Variants in WDR81 observed in about 807,000 individuals in gnomAD.
WDR81 encodes the protein WD repeat domain 81.
In WDR81, 92 loss-of-function variants were observed where a neutral mutation model predicts 140.8. The observed-to-expected ratio is 0.65, with a 90% CI of 0.55 to 0.78. The LOEUF is 0.78. Among genes scored for constraint, WDR81 ranks in the 30% least tolerant of loss-of-function variants. WDR81 has a pLI of 0.00. For synonymous variants in WDR81, 1,183 were observed against 1,156.4 expected (o/e 1.02, Z -0.47); for missense variants, 2,502 against 2,636.4 (o/e 0.95, Z 1.12).
In WDR81 at chr17:1,726,177, C is replaced by A; in HGVS notation, c.1218C>A (p.Leu406=). The A allele has an allele frequency of 6.6e-7, 1 of 1,519,906 alleles. No individual in the cohort carries two copies. The highest frequency in any genetic ancestry group is 8.9e-7 in the Non-Finnish European group (1 of 1,127,350). The allele number at this position is 1,519,906 out of a possible 1,614,324, so 94.2% of individuals were successfully genotyped here. A position where few individuals can be genotyped will look rare whatever the true frequency, so the allele number is the denominator to read the frequency against. Residue 406 remains leucine (L), a synonymous_variant, in exon 1 of 10, where the codon CTC becomes CTA. Transcript: ENST00000409644. ...FRDLRKSKFR[L]NKGDKQLDFT... ...ACCTGCGCAAGTCCAAGTTCCGCCT[C>A]AACAAGGGGGATAAGCAACTGGACT...
Position 1,726,402 on chromosome 17 carries a change from G to A in WDR81, c.1443G>A (p.Glu481=). The A allele has an allele frequency of 1.9e-6, 3 of 1,550,306 alleles. No individual in the cohort carries two copies. The highest frequency in any genetic ancestry group is 2.6e-6 in the Non-Finnish European group (3 of 1,146,952). The change falls in exon 1 of 10, where the codon GAG becomes GAA. Residue 481 remains glutamate, a synonymous_variant. Coordinates refer to ENST00000409644, the MANE Select transcript of WDR81 (RefSeq NM_001163809.2). The stretch of plus-strand genomic sequence containing the variant: ...CCCATGAGTATCCGGCCAGCATGGA[G>A]CGGATGCAGAACTGGACCCCGGATG... The part of the protein sequence containing the change: ...WEPHEYPASM[E]RMQNWTPDEC...
At chr17:1,730,335 AG>A in intron 1 of WDR81, 44 bp from the exon 2 acceptor site, 1 of 1,510,584 alleles carries the variant, frequency 6.6e-7, no homozygotes, top group South Asian at 1.2e-5. Context: ...AGGGGTGATG[AG>A]CCCCTGTTAT....
rs1286819005 is a variant in WDR81 at position 1,725,255 on chromosome 17, C to T, written c.296C>T (p.Pro99Leu). The T allele has an allele frequency of 3.9e-6, 6 of 1,543,906 alleles. No individual in the cohort carries two copies. Among genetic ancestry groups the T allele is most frequent in the Non-Finnish European group, 5.2e-6 (6 of 1,146,944 alleles). Reference protein sequence around the residue: ...TLLQRSVQRLPAGWTRVEVHG... With the variant: ...TLLQRSVQRLLAGWTRVEVHG... ...CTGCAGCGCTCTGTGCAAAGGCTGC[C>T]TGCCGGCTGGACGCGCGTGGAGGTG... The change falls in exon 1 of 10, where the codon CCT (proline) becomes CTT (leucine). Residue 99 changes from proline to leucine, a missense_variant. Transcript: ENST00000409644.
chr17:1,734,086 G>A lies in WDR81; in HGVS notation c.5049G>A (p.Gly1683=), dbSNP rs1484238047. 1.9e-6 allele frequency: 3 copies of A among 1,582,750 alleles called. No homozygotes were observed. The highest frequency in any genetic ancestry group is 2.6e-6 in the Non-Finnish European group (3 of 1,169,500). Reference sequence around the variant, plus strand: ...GGCCGCTGTACAACTACGGCGACGGGACCAGCGAGACGGCCCCACGCCTCG... The same window carrying A: ...GGCCGCTGTACAACTACGGCGACGGAACCAGCGAGACGGCCCCACGCCTCG... ...RLWPLYNYGD[G]TSETAPRLVY... is the part of the protein sequence containing the mutation. Residue 1683 remains glycine, a synonymous_variant, in exon 7 of 10, where the codon GGG becomes GGA. Transcript: ENST00000409644.
Position 1,735,444 on chromosome 17 carries a change from T to C in WDR81, c.5180-128T>C, listed in dbSNP as rs1199615724. On this transcript the variant is annotated intron_variant, in intron 7 of 9. Transcript: ENST00000409644. This position sits in a 1 kb window ranked among gnomAD's most constrained non-coding sequence, Gnocchi z 4.2. ...ACTCCATCTCAAAAAAAGAGAAACA[T>C]CTTTAGCATTTTCTAAGGATCCCTG... is the stretch of plus-strand genomic sequence containing the variant. The C allele has an allele frequency of 7.7e-6, 8 of 1,034,372 alleles. No individual in the cohort carries two copies. Among genetic ancestry groups the C allele is most frequent in the Non-Finnish European group, 2.7e-6 (2 of 739,334 alleles). 64.1% of individuals were successfully genotyped at this position (1,034,372 alleles called of 1,614,324 possible).
In WDR81 at chr17:1,727,801, C is replaced by T; in HGVS notation, c.2842C>T (p.Pro948Ser). ...AVYTAWYLFE[P>S]VAKALGPKNA... ...GTACACGGCCTGGTATCTGTTTGAG[C>T]CTGTTGCCAAGGCACTGGGCCCCAA... The change falls in exon 1 of 10, where the codon CCT becomes TCT. Residue 948 changes from proline (P) to serine (S), a missense_variant. This residue lies in a region of WDR81 where 1,737 missense variants were observed against 1,843.0 expected (regional missense o/e 0.94). Transcript: ENST00000409644. 1 of 1,550,678 alleles carries T rather than the reference C, an allele frequency of 6.4e-7. No individual in the cohort carries two copies. Among genetic ancestry groups the T allele is most frequent in the Non-Finnish European group, 8.7e-7 (1 of 1,147,020 alleles).
chr17:1,719,556 G>GA (rs546011340), intron 1 of WDR81, among the ~76,000 whole-genome samples: 35,168 of 128,794 alleles, frequency 0.27, 4,852 homozygotes, highest in East Asian at 0.56. Flanking sequence ...CTCAAAAAAA[G>GA]AAAAAAAAAA....
At chr17:1,736,677 G>A (rs1179649556) in intron 9 of WDR81, among the ~76,000 whole-genome samples, 1 of 152,098 alleles carries the variant, frequency 6.6e-6, no homozygotes, top group African/African-American at 2.4e-5. Context: ...GCACGCCTGG[G>A]CATGGGGATC....
Position 1,732,744 on chromosome 17 carries a change from G to C in WDR81, c.4402G>C (p.Val1468Leu), listed in dbSNP as rs369726076. The C allele has an allele frequency of 6.2e-7, 1 of 1,612,914 alleles. No individual in the cohort carries two copies. Among genetic ancestry groups the C allele is most frequent in the African/African-American group, 1.3e-5 (1 of 74,944 alleles). The change falls in exon 6 of 10, where the codon GTG (valine) becomes CTG (leucine). Residue 1468 changes from valine to leucine, a missense_variant. Val to Leu is a conservative substitution (Grantham distance 32). This residue lies in a region of WDR81 where 1,737 missense variants were observed against 1,843.0 expected (regional missense o/e 0.94). Coordinates refer to ENST00000409644, the MANE Select transcript of WDR81 (RefSeq NM_001163809.2). ...VVFSDGQQRPVDPALLDELQK... is the reference protein window; with the variant it reads ...VVFSDGQQRPLDPALLDELQK... The stretch of plus-strand genomic sequence containing the variant: ...CTTCTCTGATGGGCAGCAGCGGCCC[G>C]TGGACCCCGCCCTGCTGGACGAGCT...
rs368029655 is a variant in WDR81, at chr17:1,732,332, A to G, written c.4165A>G (p.Ser1389Gly). The change falls in exon 5 of 10, where the codon AGT (serine) becomes GGT (glycine). Residue 1389 changes from serine (S) to glycine (G), a missense_variant. Physicochemically the swap from Ser to Gly is moderately conservative, Grantham distance 56 (BLOSUM62 0). Around this residue, in one of 3 missense-constraint regions of WDR81, gnomAD observed 1,737 missense variants for 1,843.0 expected, o/e 0.94. Coordinates refer to ENST00000409644, the MANE Select transcript of WDR81 (RefSeq NM_001163809.2). ...FLTSLVTGFP[S>G]GAQARTILCV... The stretch of plus-strand genomic sequence containing the variant: ...CATGAGCTCTGTTTCCAGGTTCCCA[A>G]GTGGGGCCCAGGCTCGGACCATCCT... The G allele has an allele frequency of 1.2e-4, 188 of 1,613,016 alleles. No individual in the cohort carries two copies. The highest frequency in any genetic ancestry group is 1.5e-4 in the Non-Finnish European group (172 of 1,179,946).
intron 4 of WDR81, among the ~76,000 whole-genome samples, 200 bp from the exon 5 acceptor site, chr17:1,732,125 T>C (rs1445123306): frequency 6.6e-6 from 1 of 152,070 alleles, no homozygotes; most frequent in Non-Finnish European, 1.5e-5. Context: ...TAGTCCCAGC[T>C]ACTCGGGAGA....
rs1456538250 is a variant in WDR81 at position 1,726,998 on chromosome 17, G to T, written c.2039G>T (p.Gly680Val). The T allele has an allele frequency of 6.4e-7, 1 of 1,550,440 alleles. No individual in the cohort carries two copies. The highest frequency in any genetic ancestry group is 2.0e-5 in the Admixed American group (1 of 51,010). The change falls in exon 1 of 10, where the codon GGC becomes GTC. Residue 680 changes from glycine to valine, a missense_variant. Transcript: ENST00000409644. ...SLAGKAGDQL[G>V]SSSQASPGLL... Reference sequence around the variant, plus strand: ...GCTGGGAAAGCAGGTGACCAGCTGGGCTCCTCCAGTCAAGCGTCCCCTGGA... The same window carrying T: ...GCTGGGAAAGCAGGTGACCAGCTGGTCTCCTCCAGTCAAGCGTCCCCTGGA...
intron 1 of WDR81, chr17:1,716,765 G>T: frequency 9.7e-7 from 1 of 1,032,718 alleles, no homozygotes; most frequent in Non-Finnish European, 1.4e-6. Context: ...GCCTCTGCGG[G>T]ACGCTATAGC....
Position 1,734,152 on chromosome 17 carries a change from G to C in WDR81, c.5115G>C (p.Gln1705His). The change falls in exon 7 of 10, where the codon CAG becomes CAC. Residue 1705 changes from glutamine to histidine, a missense_variant. Transcript: ENST00000409644. ...GCAAGAGCGTCTTCTTCGTGGGCCA[G>C]CTTGAGGCCCCGCAGCACGTGGTGA... is the stretch of plus-strand genomic sequence containing the variant. ...QHRKSVFFVG[Q>H]LEAPQHVVSC... 1.3e-6 allele frequency: 2 copies of C among 1,598,758 alleles called. No homozygotes were observed. The highest frequency in any genetic ancestry group is 2.2e-5 in the South Asian group (2 of 91,044).
Position 1,725,461 on chromosome 17 carries a change from C to G in WDR81, c.502C>G (p.Pro168Ala). 6.5e-7 allele frequency: 1 copy of G among 1,549,114 alleles called. No homozygotes were observed. Among genetic ancestry groups the G allele is most frequent in the Non-Finnish European group, 8.7e-7 (1 of 1,146,972 alleles). The change falls in exon 1 of 10, where the codon CCC (proline) becomes GCC (alanine). Residue 168 changes from proline to alanine, a missense_variant. By Grantham distance (27) the Pro-to-Ala change is conservative (BLOSUM62 -1). Coordinates refer to ENST00000409644, the MANE Select transcript of WDR81 (RefSeq NM_001163809.2). ...YGQPYSHSPA[P>A]SAVPALDSVR... Reference sequence around the variant, plus strand: ...CCAGCCGTACAGTCACAGCCCTGCCCCCTCAGCTGTCCCTGCCTTGGACTC... The same window carrying G: ...CCAGCCGTACAGTCACAGCCCTGCCGCCTCAGCTGTCCCTGCCTTGGACTC...
upstream of WDR81, among the ~76,000 whole-genome samples, chr17:1,723,496 T>TATTC (rs1555561843): frequency 1.5e-3 from 207 of 138,664 alleles, 2 homozygotes; most frequent in African/African-American, 4.9e-3. Context: ...TTTATTTATT[T>TATTC]ATTCTTTTTG....
chr17:1,724,650 C>T (rs1383374061), upstream of WDR81: 11 of 1,030,412 alleles, frequency 1.1e-5, no homozygotes, highest in Admixed American at 1.7e-4. Flanking sequence ...CCGCCCGGGC[C>T]TCTGGAGCCA....
In WDR81 at chr17:1,733,140, C is replaced by T. The variant is rs576082723; in HGVS notation, c.4489+309C>T. The stretch of plus-strand genomic sequence containing the variant: ...AAGGAGTGGCCTCCTGTTTACGAAG[C>T]TTCCCCTCTGGGCCCTGCACGGTGC... On this transcript the variant is annotated intron_variant, in intron 6 of 9. Transcript: ENST00000409644. Among the ~76,000 whole-genome samples, 18 of 152,266 alleles carry T rather than the reference C, an allele frequency of 1.2e-4. No homozygotes were observed. In the South Asian group the frequency reaches 3.3e-3, roughly 28 times the overall value.
At position 1,732,341 on chromosome 17, in the gene WDR81, C is replaced by G. The variant is rs745688610; in HGVS notation, c.4174C>G (p.Gln1392Glu). Residue 1392 changes from glutamine (Q) to glutamate (E), a missense_variant, in exon 5 of 10, where the codon CAG becomes GAG. Transcript: ENST00000409644. ...TGTTTCCAGGTTCCCAAGTGGGGCC[C>G]AGGCTCGGACCATCCTGTGTGTGAA... ...SLVTGFPSGA[Q>E]ARTILCVKTI... The G allele has an allele frequency of 1.2e-6, 2 of 1,613,274 alleles. No individual in the cohort carries two copies. Among genetic ancestry groups the G allele is most frequent in the Non-Finnish European group, 1.7e-6 (2 of 1,179,974 alleles).
Sources: gnomAD v4.1 joint callset for allele counts (sites outside exome capture counted in the v4.1 genomes callset) on GRCh38, gnomAD v4.1.1 for gene constraint, gnomAD v4.1.1 regional missense constraint, Gnocchi (gnomAD v3.1) non-coding constraint, MANE v1.5 for transcripts, NCBI Gene and HGNC (gene_info 2026-07-23, HGNC 2026-07-21) for gene names.